The following RFX2 variants were observed in gnomAD, a reference collection of about 807,000 sequenced individuals.
RFX2 encodes regulatory factor X2.
RFX2 carries 20 observed loss-of-function variants against 87.8 expected under a neutral mutation model. The observed-to-expected ratio is 0.23, with a 90% CI of 0.16 to 0.33. RFX2 has a LOEUF of 0.33. Ranked by LOEUF, RFX2 falls within the 10% of genes least tolerant of loss-of-function variation. RFX2 has a pLI of 1.00. For synonymous variants in RFX2, 397 were observed against 431.3 expected, an observed-to-expected ratio of 0.92 and a Z score of 0.98; for missense variants, 767 against 1,012.3, an observed-to-expected ratio of 0.76 and a Z score of 3.29.
chr19:6,105,156 C>G (rs1168332160), intron 1 of RFX2, among the ~76,000 whole-genome samples: 1 of 151,720 alleles, frequency 6.6e-6, no homozygotes, highest in East Asian at 1.9e-4. Context: ...AACAGAAGTT[C>G]CTGCCCTTAC....
Position 6,010,268 on chromosome 19 carries a change from C to T in RFX2, c.900-17G>A. On this transcript the variant is annotated splice_polypyrimidine_tract_variant and intron_variant, in intron 8 of 17. Coordinates refer to ENST00000303657, the MANE Select transcript of RFX2 (RefSeq NM_000635.4). This position sits in a 1 kb window ranked among gnomAD's most constrained non-coding sequence, Gnocchi z 5.0. ...GGCCGGTACCTAGGCCAGGAACACG[C>T]ATACCATCATGAGGCCCAGCAGCCC... is the stretch of plus-strand genomic sequence containing the variant. The T allele has an allele frequency of 6.6e-7, 1 of 1,513,374 alleles. No homozygotes were observed. Among genetic ancestry groups the T allele is most frequent in the Non-Finnish European group, 8.9e-7 (1 of 1,117,718 alleles). The allele number at this position is 1,513,374 out of a possible 1,614,324, so 93.7% of individuals were successfully genotyped here. A position where few individuals can be genotyped will look rare whatever the true frequency, so the allele number is the denominator to read the frequency against.
intron 9 of RFX2, 101 bp from the exon 10 acceptor site, chr19:6,008,325 G>T: frequency 1.7e-6 from 1 of 589,612 alleles, no homozygotes; most frequent in Non-Finnish European, 2.9e-6. Context: ...CAGATGTTCT[G>T]CCCCACCCCA....
chr19:6,095,523 A>C (rs2088008612), intron 1 of RFX2, among the ~76,000 whole-genome samples: 1 of 152,158 alleles, frequency 6.6e-6, no homozygotes, highest in Non-Finnish European at 1.5e-5. Flanking sequence ...AGGGTACCAT[A>C]AACAATGGGG....
chr19:6,044,764 T>C lies in RFX2; in HGVS notation c.91-482A>G, dbSNP rs968908276. Among the ~76,000 whole-genome samples the C allele has an allele frequency of 2.6e-5, 4 of 152,232 alleles. No homozygotes were observed. Among genetic ancestry groups the C allele is most frequent in the Non-Finnish European group, 4.4e-5 (3 of 68,038 alleles). Reference sequence around the variant, plus strand: ...TGTGGCGCCCCTCGCTTCTGCAGTATAACCCGGACTTGTTTCCATTTTCTG... The same window carrying C: ...TGTGGCGCCCCTCGCTTCTGCAGTACAACCCGGACTTGTTTCCATTTTCTG... On this transcript the variant is annotated intron_variant, in intron 2 of 17. Coordinates refer to ENST00000303657, the MANE Select transcript of RFX2 (RefSeq NM_000635.4). This position sits in a 1 kb window ranked among gnomAD's most constrained non-coding sequence, Gnocchi z 5.3.
intron 1 of RFX2, among the ~76,000 whole-genome samples, chr19:6,097,040 G>A (rs993281311): frequency 6.6e-5 from 10 of 152,190 alleles, no homozygotes; most frequent in African/African-American, 2.4e-4. Flanking sequence ...AACAGAAAGG[G>A]AAGAATCAAT....
chr19:6,004,266 T>C lies in RFX2; in HGVS notation c.1435A>G (p.Lys479Glu). Residue 479 changes from lysine (K) to glutamate (E), a missense_variant, in exon 13 of 18, where the codon AAG becomes GAG. Lys to Glu is a moderately conservative substitution (Grantham distance 56, BLOSUM62 1). Transcript: ENST00000303657. The surrounding 1 kb of genome is among the most constrained non-coding windows in gnomAD (Gnocchi z 4.8). ...TTTGTCAACCAGCCTTCCAAGCTCT[T>C]GGCAAAGTTACGGATGGCCTGTGTC... ...TLTQAIRNFA[K>E]SLEGWLTNAM... is the part of the protein sequence containing the mutation. 1 of 1,613,804 alleles carries C rather than the reference T, an allele frequency of 6.2e-7. No individual in the cohort carries two copies. Among genetic ancestry groups the C allele is most frequent in the Non-Finnish European group, 8.5e-7 (1 of 1,179,866 alleles).
At position 6,040,997 on chromosome 19, in the gene RFX2, A is replaced by G. The variant is rs1427944079; in HGVS notation, c.261-756T>C. Among the ~76,000 whole-genome samples the G allele has an allele frequency of 6.6e-6, 1 of 152,218 alleles. No homozygotes were observed. The highest frequency in any genetic ancestry group is 2.1e-4 in the South Asian group (1 of 4,828). On this transcript the variant is annotated intron_variant, in intron 4 of 17. Coordinates refer to ENST00000303657, the MANE Select transcript of RFX2 (RefSeq NM_000635.4). This position sits in a 1 kb window ranked among gnomAD's most constrained non-coding sequence, Gnocchi z 6.1. ...AGCACACACGCAAAAGCACGTGCAT[A>G]CAGACTGGTAGAACTGAATAAGGCC...
chr19:6,051,429 A>G (rs753380514), intron 1 of RFX2, among the ~76,000 whole-genome samples: 75 of 152,168 alleles, frequency 4.9e-4, no homozygotes, highest in Non-Finnish European at 9.1e-4. Flanking sequence ...CTTTTATTTT[A>G]CCTAAAGTAG....
chr19:6,036,172 A>T (rs1231853365), intron 5 of RFX2, among the ~76,000 whole-genome samples: 1 of 152,232 alleles, frequency 6.6e-6, no homozygotes, highest in East Asian at 1.9e-4. Context: ...TTTCTGTTCC[A>T]TAACAACTAA....
Position 5,997,050 on chromosome 19 carries a change from G to A in RFX2, c.2013+10C>T, listed in dbSNP as rs78749304. 6.2e-7 allele frequency: 1 copy of A among 1,605,994 alleles called. No individual in the cohort carries two copies. The highest frequency in any genetic ancestry group is 8.5e-7 in the Non-Finnish European group (1 of 1,177,834). On this transcript the variant is annotated intron_variant, in intron 16 of 17. Coordinates refer to ENST00000303657, the MANE Select transcript of RFX2 (RefSeq NM_000635.4). The surrounding 1 kb of genome is among the most constrained non-coding windows in gnomAD (Gnocchi z 4.2). ...CAAGCCCCGGCCGTCCCACCCAGGA[G>A]GGTCCTCACCTCTCCCATCACAGCG... is the stretch of plus-strand genomic sequence containing the variant.
At chr19:6,099,623 C>A (rs2088086136) in intron 1 of RFX2, among the ~76,000 whole-genome samples, 1 of 152,012 alleles carries the variant, frequency 6.6e-6, no homozygotes, top group African/African-American at 2.4e-5. Flanking sequence ...AAATATGAAG[C>A]CCTATGTACA....
chr19:6,032,320 C>T lies in RFX2; in HGVS notation c.523-6083G>A, dbSNP rs374163291. 3.7e-4 allele frequency among the ~76,000 whole-genome samples: 56 copies of T among 152,180 alleles called. 1 individual carries two copies. In the South Asian group the frequency reaches 0.011, roughly 29 times the overall value. ...TGTTGTTGTTGTATTTTAGTAGAGA[C>T]AGGGTTTCACCATGTTGGCCAGGAT... is the stretch of plus-strand genomic sequence containing the variant. On this transcript the variant is annotated intron_variant, in intron 5 of 17. Transcript: ENST00000303657.
At position 6,007,793 on chromosome 19, in the gene RFX2, C is replaced by T. The variant is rs1420374026; in HGVS notation, c.1144G>A (p.Asp382Asn). 1.9e-6 allele frequency: 3 copies of T among 1,550,178 alleles called. No homozygotes were observed. The South Asian group carries it at 3.6e-5, about 18-fold the overall frequency. ...VYRRHCEATV[D>N]VVMNLQFHYI... The stretch of plus-strand genomic sequence containing the variant: ...TGGAACTGGAGGTTCATCACCACAT[C>T]TACAGTTGCCTAGGAATGAAGGGAC... The change falls in exon 11 of 18, where the codon GAT becomes AAT. Residue 382 changes from aspartate to asparagine, a missense_variant. By Grantham distance (23) the Asp-to-Asn change is conservative (BLOSUM62 1). Coordinates refer to ENST00000303657, the MANE Select transcript of RFX2 (RefSeq NM_000635.4). This position sits in a 1 kb window ranked among gnomAD's most constrained non-coding sequence, Gnocchi z 8.2.
At chr19:6,032,813 G>A (rs1285966588) in intron 5 of RFX2, among the ~76,000 whole-genome samples, 1 of 152,188 alleles carries the variant, frequency 6.6e-6, no homozygotes, top group African/African-American at 2.4e-5. Flanking sequence ...TTTTGAGACA[G>A]GGTCTCCTTC....
In RFX2 at chr19:6,063,898, G is replaced by A. The variant is rs1042258257; in HGVS notation, c.-8-16394C>T. The stretch of plus-strand genomic sequence containing the variant: ...CCCCTGGGGGCAGGACCACCCCCAT[G>A]GAGAACCACACGTCTAAGGCCACAC... On this transcript the variant is annotated intron_variant, in intron 1 of 17. Coordinates refer to ENST00000303657, the MANE Select transcript of RFX2 (RefSeq NM_000635.4). The surrounding 1 kb of genome is among the most constrained non-coding windows in gnomAD (Gnocchi z 4.0). 6.6e-6 allele frequency among the ~76,000 whole-genome samples: 1 copy of A among 152,138 alleles called. No homozygotes were observed. Among genetic ancestry groups the A allele is most frequent in the Non-Finnish European group, 1.5e-5 (1 of 68,010 alleles).
At position 6,026,119 on chromosome 19, in the gene RFX2, A is replaced by C. The variant is rs2086885633; in HGVS notation, c.597+44T>G. ...TGTCTTAAAAATGTCTATGCAGGTTACAAGCAGAGCAGGGACAGGTTGCCA... is the reference window on the plus strand; with the variant it reads ...TGTCTTAAAAATGTCTATGCAGGTTCCAAGCAGAGCAGGGACAGGTTGCCA... On this transcript the variant is annotated intron_variant, in intron 6 of 17. Coordinates refer to ENST00000303657, the MANE Select transcript of RFX2 (RefSeq NM_000635.4). This position sits in a 1 kb window ranked among gnomAD's most constrained non-coding sequence, Gnocchi z 4.5. The C allele has an allele frequency of 6.6e-7, 1 of 1,519,160 alleles. No homozygotes were observed. The highest frequency in any genetic ancestry group is 1.7e-5 in the Admixed American group (1 of 58,346). The allele number at this position is 1,519,160 out of a possible 1,614,324, so 94.1% of individuals were successfully genotyped here. A position where few individuals can be genotyped will look rare whatever the true frequency, so the allele number is the denominator to read the frequency against.
At chr19:6,076,960 G>A (rs1451206659) in intron 1 of RFX2, 1 of 152,148 alleles carries the variant, frequency 6.6e-6, no homozygotes, top group Admixed American at 6.5e-5. Flanking sequence ...GAACACTACT[G>A]CATTACTGTT....
chr19:5,996,000 A>G (rs951594672), intron 16 of RFX2, among the ~76,000 whole-genome samples: 2 of 152,236 alleles, frequency 1.3e-5, no homozygotes, highest in African/African-American at 4.8e-5. Context: ...ACACAGCAGG[A>G]AAACCACTCC....
In RFX2 at chr19:6,040,349, G is replaced by A; in HGVS notation, c.261-108C>T. 4.1e-6 allele frequency: 5 copies of A among 1,222,538 alleles called. No homozygotes were observed. The highest frequency in any genetic ancestry group is 4.5e-6 in the Non-Finnish European group (4 of 895,564). 75.7% of individuals were successfully genotyped at this position (1,222,538 alleles called of 1,614,324 possible). Reference sequence around the variant, plus strand: ...CACGTAAAAGCTGCAACCCAGAGAGGCCAGACATATGGAGCAATTCGGACG... The same window carrying A: ...CACGTAAAAGCTGCAACCCAGAGAGACCAGACATATGGAGCAATTCGGACG... On this transcript the variant is annotated intron_variant, in intron 4 of 17. Transcript: ENST00000303657. This position sits in a 1 kb window ranked among gnomAD's most constrained non-coding sequence, Gnocchi z 6.1.
Sources: allele counts gnomAD v4.1 joint callset (sites outside exome capture counted in the v4.1 genomes callset), GRCh38; gene constraint gnomAD v4.1.1; non-coding constraint Gnocchi (gnomAD v3.1); transcripts MANE v1.5; gene names NCBI Gene and HGNC (gene_info 2026-07-23, HGNC 2026-07-21).